Variants in POFUT3 observed in about 807,000 individuals in gnomAD.
The protein encoded by POFUT3 is protein O-fucosyltransferase 3.
At chr8:33,387,641 T>TA in the POFUT3 span, among the ~76,000 whole-genome samples, 1 of 152,066 alleles carries the variant, frequency 6.6e-6, no homozygotes, top group African/African-American at 2.4e-5. Flanking sequence ...CCGTCTCTAC[T>TA]AAAAATACAA....
At chr8:33,331,183 A>G in the POFUT3 span, among the ~76,000 whole-genome samples, 1 of 146,496 alleles carries the variant, frequency 6.8e-6, no homozygotes, top group Non-Finnish European at 1.5e-5. Context: ...TCTAATAAAA[A>G]TACAAAAAAT....
chr8:33,462,684 C>G, the POFUT3 span, among the ~76,000 whole-genome samples: 2 of 152,146 alleles, frequency 1.3e-5, no homozygotes, highest in Non-Finnish European at 2.9e-5. Flanking sequence ...AATCACAGCA[C>G]TTTGGGAGGC....
chr8:33,351,838 G>A, the POFUT3 span, among the ~76,000 whole-genome samples: 8 of 152,186 alleles, frequency 5.3e-5, no homozygotes, highest in African/African-American at 1.9e-4. Flanking sequence ...ATAACAGGTA[G>A]AAGATAAAAA....
the POFUT3 span, among the ~76,000 whole-genome samples, chr8:33,439,487 G>C: frequency 6.6e-6 from 1 of 152,140 alleles, no homozygotes; most frequent in African/African-American, 2.4e-5. Flanking sequence ...TCTTTTTAAA[G>C]CATAAATCAG....
the POFUT3 span, among the ~76,000 whole-genome samples, chr8:33,470,850 C>T: frequency 6.6e-6 from 1 of 152,118 alleles, no homozygotes; most frequent in East Asian, 1.9e-4. Context: ...AAACTAAGCT[C>T]TCTCATCCCA....
the POFUT3 span, among the ~76,000 whole-genome samples, chr8:33,432,407 CA>C: frequency 0.037 from 3,402 of 92,696 alleles, 59 homozygotes; most frequent in East Asian, 0.12. Flanking sequence ...GACTCTGTCT[CA>C]AAAAAAAAAA....
the POFUT3 span, chr8:33,389,063 C>T: frequency 9.9e-6 from 16 of 1,614,074 alleles, no homozygotes; most frequent in Admixed American, 2.2e-4. Context: ...TCCCCATTTC[C>T]GTTCCCTGAG....
the POFUT3 span, among the ~76,000 whole-genome samples, chr8:33,383,895 TTCCCCATCATAA>T: frequency 6.6e-6 from 1 of 151,694 alleles, no homozygotes; most frequent in African/African-American, 2.4e-5. Flanking sequence ...CCAAGGAGTT[TTCCCCATCATAA>T]TCCCCACCAC....
At chr8:33,430,309 C>A in the POFUT3 span, among the ~76,000 whole-genome samples, 76 of 152,258 alleles carry the variant, frequency 5.0e-4, no homozygotes, top group Admixed American at 2.5e-3. Flanking sequence ...TCCTCTCAAT[C>A]TTTTGGTGAC....
chr8:33,461,566 T>G, the POFUT3 span: 30 of 1,563,774 alleles, frequency 1.9e-5, no homozygotes, highest in Non-Finnish European at 2.2e-5. Flanking sequence ...GCCAATTTCC[T>G]GCACTGCCAT....
the POFUT3 span, among the ~76,000 whole-genome samples, chr8:33,376,789 G>A: frequency 6.6e-6 from 1 of 152,184 alleles, no homozygotes; most frequent in Admixed American, 6.5e-5. Flanking sequence ...GTTGGATAGA[G>A]ACTGGATTTG....
the POFUT3 span, among the ~76,000 whole-genome samples, chr8:33,359,319 A>G: frequency 6.6e-6 from 1 of 152,212 alleles, no homozygotes; most frequent in Non-Finnish European, 1.5e-5. Context: ...AGGATCTCTA[A>G]GCCTCAATAA....
the POFUT3 span, among the ~76,000 whole-genome samples, chr8:33,420,827 T>A: frequency 6.6e-6 from 1 of 151,792 alleles, no homozygotes; most frequent in African/African-American, 2.4e-5. Flanking sequence ...AAAAAAAAGA[T>A]AGATGTTTGA....
chr8:33,456,925 C>T, the POFUT3 span, among the ~76,000 whole-genome samples: 5,006 of 151,786 alleles, frequency 0.033, 201 homozygotes, highest in African/African-American at 0.098. Flanking sequence ...TGCACCACCA[C>T]GCCCAGATAA....
chr8:33,399,886 TC>T, the POFUT3 span, among the ~76,000 whole-genome samples: 1 of 151,908 alleles, frequency 6.6e-6, no homozygotes, highest in African/African-American at 2.4e-5. Context: ...ACTCCTGACC[TC>T]AGGCGATCCG....
the POFUT3 span, among the ~76,000 whole-genome samples, chr8:33,319,524 A>ATATATATT: frequency 6.0e-3 from 2 of 332 alleles, 1 homozygote; most frequent in Admixed American, 0.067. Context: ...TATATAATAT[A>ATATATATT]TATATATATT....
chr8:33,375,429 G>A, the POFUT3 span, among the ~76,000 whole-genome samples: 1 of 152,120 alleles, frequency 6.6e-6, no homozygotes, highest in Admixed American at 6.5e-5. Flanking sequence ...GATAGGAGTG[G>A]GTCAGAGGCT....
chr8:33,467,596 C>T, the POFUT3 span, among the ~76,000 whole-genome samples: 4 of 152,150 alleles, frequency 2.6e-5, no homozygotes, highest in Non-Finnish European at 5.9e-5. Flanking sequence ...GTGCATTGCA[C>T]GGCTGGCATG....
the POFUT3 span, among the ~76,000 whole-genome samples, chr8:33,349,947 T>C: frequency 6.6e-6 from 1 of 152,162 alleles, no homozygotes. Flanking sequence ...TAACATCTAA[T>C]TTTTTTAATT....
Sources: allele counts gnomAD v4.1 joint callset (sites outside exome capture counted in the v4.1 genomes callset), GRCh38; gene constraint gnomAD v4.1.1; transcripts MANE v1.5; gene names NCBI Gene and HGNC (gene_info 2026-07-23, HGNC 2026-07-21).